The following NEXN variants were observed in gnomAD, a reference collection of about 807,000 sequenced individuals.
The protein encoded by NEXN is nexilin F-actin binding protein.
A neutral mutation model predicts 92.6 loss-of-function variants in NEXN; 65 were observed. The observed-to-expected ratio is 0.70, with a 90% CI of 0.57 to 0.86. The LOEUF is 0.86. NEXN is among the 40% of genes least tolerant of loss of function. The pLI, the probability that NEXN is intolerant of heterozygous loss-of-function variation, is 0.00. For synonymous variants in NEXN, 254 were observed against 242.5 expected (o/e 1.05, Z -0.44); for missense variants, 778 against 771.1 (o/e 1.01, Z -0.11).
At chr1:77,935,524 G>A (rs1334969362) in intron 10 of NEXN, among the ~76,000 whole-genome samples, 1 of 152,214 alleles carries the variant, frequency 6.6e-6, no homozygotes, top group African/African-American at 2.4e-5. Flanking sequence ...CCTTAAATTT[G>A]TAGCACCATT....
intron 1 of NEXN, 33 bp from the exon 2 acceptor site, chr1:77,916,022 T>C: frequency 5.3e-6 from 4 of 752,848 alleles, no homozygotes; most frequent in Non-Finnish European, 7.4e-6. Flanking sequence ...ACAAATAAAT[T>C]AAAATTTATT....
rs984130032 is a variant in NEXN, at chr1:77,943,554, T to C, written c.*725T>C. On this transcript the variant is annotated 3_prime_UTR_variant, in exon 13 of 13. Coordinates refer to ENST00000334785, the MANE Select transcript of NEXN (RefSeq NM_144573.4). ...GCTATACAGTGTTGAGTGTTGAGGA[T>C]ATTAAACATGTTATTTTTCAAACGT... 5 of 152,122 alleles carry C rather than the reference T, an allele frequency of 3.3e-5. No homozygotes were observed. Among genetic ancestry groups the C allele is most frequent in the African/African-American group, 1.2e-4 (5 of 41,428 alleles). 9.4% of individuals were successfully genotyped at this position (152,122 alleles called of 1,614,324 possible). A position where few individuals can be genotyped will look rare whatever the true frequency, so the allele number is the denominator to read the frequency against.
At chr1:77,931,097 G>A (rs1230730770) in intron 9 of NEXN, among the ~76,000 whole-genome samples, 1 of 151,904 alleles carries the variant, frequency 6.6e-6, no homozygotes, top group Non-Finnish European at 1.5e-5. Flanking sequence ...GTTTAGAAGC[G>A]GTAGAAGAAG....
chr1:77,941,660 T>C, intron 11 of NEXN: 1 of 295,124 alleles, frequency 3.4e-6, no homozygotes. Context: ...GGGAATGGTA[T>C]GGACTTACAG....
intron 1 of NEXN, among the ~76,000 whole-genome samples, chr1:77,906,396 T>C (rs1648114504): frequency 6.6e-6 from 1 of 152,138 alleles, no homozygotes; most frequent in African/African-American, 2.4e-5. Context: ...CTCCAGTGCT[T>C]CTTCCACCGT....
intron 5 of NEXN, among the ~76,000 whole-genome samples, chr1:77,921,323 A>G (rs1649401844): frequency 6.6e-6 from 1 of 152,150 alleles, no homozygotes; most frequent in African/African-American, 2.4e-5. Context: ...AAACGAACAA[A>G]CAAAAAACCT....
intron 5 of NEXN, among the ~76,000 whole-genome samples, chr1:77,919,098 G>T (rs766493951): frequency 2.0e-5 from 3 of 152,154 alleles, no homozygotes; most frequent in Admixed American, 6.5e-5. Context: ...TACTTCTTAC[G>T]TAGCGGTGGC....
chr1:77,930,444 A>C (rs1192643421), intron 9 of NEXN, among the ~76,000 whole-genome samples: 1 of 152,182 alleles, frequency 6.6e-6, no homozygotes, highest in Non-Finnish European at 1.5e-5. Context: ...ACTCCTCATT[A>C]ACTTGCTTTC....
chr1:77,936,519 A>G (rs1363257191), intron 11 of NEXN, among the ~76,000 whole-genome samples: 2 of 152,238 alleles, frequency 1.3e-5, no homozygotes, highest in Non-Finnish European at 2.9e-5. Context: ...CAGATTATTC[A>G]TAATTTCTTA....
chr1:77,940,576 C>G (rs1451030425), intron 11 of NEXN, among the ~76,000 whole-genome samples: 2 of 152,090 alleles, frequency 1.3e-5, no homozygotes, highest in African/African-American at 4.8e-5. Context: ...CATAAACAGG[C>G]TAAAATCTGA....
Position 77,891,773 on chromosome 1 carries a change from A to G in NEXN, c.-53+3014A>G, listed in dbSNP as rs768306151. 7.3e-4 allele frequency among the ~76,000 whole-genome samples: 110 copies of G among 150,098 alleles called. 3 individuals are homozygous for G. Among genetic ancestry groups the G allele is most frequent in the Non-Finnish European group, 2.1e-4 (14 of 67,408 alleles). On this transcript the variant is annotated intron_variant, in intron 1 of 12. Coordinates refer to ENST00000334785, the MANE Select transcript of NEXN (RefSeq NM_144573.4). ...AAAAAAAAAAAAAAAAAAAAAAATC[A>G]AAAACAAAAAAGACACTTTTGGGGC...
intron 8 of NEXN, 79 bp downstream of exon 8, chr1:77,926,971 C>T (rs941603318): frequency 1.3e-6 from 2 of 1,551,920 alleles, no homozygotes; most frequent in Non-Finnish European, 8.8e-7. Flanking sequence ...ACTACAAATT[C>T]AAAGAGATTT....
Position 77,926,431 on chromosome 1 carries a change from A to G in NEXN, c.507A>G (p.Leu169=), listed in dbSNP as rs776106290. The G allele has an allele frequency of 2.2e-5, 35 of 1,600,338 alleles. No homozygotes were observed. The South Asian group carries it at 2.8e-4, about 13-fold the overall frequency. ...TAAAATAGGAAGGAGATGATTCACT[A>G]CTTATAACTGTGGTACCTGTCAAAT... ...ESASEEGDDS[L]LITVVPVKSY... The change falls in exon 7 of 13, where the codon CTA becomes CTG. Residue 169 remains leucine, a synonymous_variant. Coordinates refer to ENST00000334785, the MANE Select transcript of NEXN (RefSeq NM_144573.4).
At chr1:77,903,524 T>G (rs774614881) in intron 1 of NEXN, among the ~76,000 whole-genome samples, 36 of 152,176 alleles carry the variant, frequency 2.4e-4, no homozygotes, top group Non-Finnish European at 4.1e-4. Context: ...ATTTTATAGC[T>G]TCTCATTTTG....
intron 1 of NEXN, among the ~76,000 whole-genome samples, chr1:77,905,407 A>G (rs954243841): frequency 6.6e-6 from 1 of 150,478 alleles, no homozygotes; most frequent in Non-Finnish European, 1.5e-5. Flanking sequence ...TTACTTGTTC[A>G]GGGCTGGGCA....
intron 1 of NEXN, among the ~76,000 whole-genome samples, chr1:77,890,698 C>A (rs1292180054): frequency 6.6e-6 from 1 of 151,788 alleles, no homozygotes; most frequent in Admixed American, 6.6e-5. Context: ...TAATGACATA[C>A]TTCATTTATT....
intron 5 of NEXN, 92 bp downstream of exon 5, chr1:77,918,365 G>A (rs1232998754): frequency 1.4e-5 from 19 of 1,368,982 alleles, no homozygotes; most frequent in Non-Finnish European, 2.0e-5. Flanking sequence ...ATATTTTAAT[G>A]TAACATAAAC....
At chr1:77,915,095 C>T (rs1372526475) in intron 1 of NEXN, among the ~76,000 whole-genome samples, 3 of 151,908 alleles carry the variant, frequency 2.0e-5, no homozygotes, top group Non-Finnish European at 4.4e-5. Context: ...GGGAGAGTTG[C>T]TTGAGCCCAG....
At chr1:77,912,208 A>T (rs532980123) in intron 1 of NEXN, among the ~76,000 whole-genome samples, 1 of 152,220 alleles carries the variant, frequency 6.6e-6, no homozygotes, top group Non-Finnish European at 1.5e-5. Context: ...ACAGTAGTAT[A>T]AACAACTATG....
Sources: allele counts gnomAD v4.1 joint callset (sites outside exome capture counted in the v4.1 genomes callset), GRCh38; gene constraint gnomAD v4.1.1; transcripts MANE v1.5; gene names NCBI Gene and HGNC (gene_info 2026-07-23, HGNC 2026-07-21).